The following ELAC1 variants were observed in gnomAD, a reference collection of about 807,000 sequenced individuals.
The protein encoded by ELAC1 is elaC ribonuclease Z 1, also known as zinc phosphodiesterase ELAC protein 1.
In ELAC1, 19 loss-of-function variants were observed where a neutral mutation model predicts 25.8. The observed-to-expected ratio is 0.74, with a 90% CI of 0.51 to 1.08. The LOEUF is 1.08. Ranked by LOEUF, ELAC1 falls within the 50% of genes least tolerant of loss-of-function variation. ELAC1 has a pLI of 0.00. For missense variants in ELAC1, 403 were observed against 434.6 expected (o/e 0.93, Z 0.65); for synonymous variants, 148 against 160.9 (o/e 0.92, Z 0.61).
chr18:50,984,892 A>C (rs1256057277), intron 3 of ELAC1: 1 of 384,134 alleles, frequency 2.6e-6, no homozygotes, highest in Non-Finnish European at 4.6e-6. Context: ...AGATAGTGTT[A>C]CTATACTCCA....
intron 1 of ELAC1, among the ~76,000 whole-genome samples, chr18:50,970,985 C>T (rs1907637389): frequency 6.6e-6 from 1 of 152,114 alleles, no homozygotes; most frequent in South Asian, 2.1e-4. Flanking sequence ...CCCTCCACAA[C>T]AGTAGTTACA....
chr18:50,981,185 TAA>T (rs1026483319), intron 2 of ELAC1, among the ~76,000 whole-genome samples: 7 of 151,994 alleles, frequency 4.6e-5, no homozygotes, highest in Middle Eastern at 6.8e-3. Context: ...AAAAGTATTA[TAA>T]GAGCATGATT....
Position 50,972,772 on chromosome 18 carries a change from C to T in ELAC1, c.-8-1625C>T, listed in dbSNP as rs147230828. On this transcript the variant is annotated intron_variant, in intron 1 of 3. Transcript: ENST00000269466. ...TGCTGGGATAACAGGCATGAGCCAC[C>T]GTGCCCGGCCTATTCTGTTTTAATT... 5.9e-5 allele frequency among the ~76,000 whole-genome samples: 9 copies of T among 152,300 alleles called. No individual in the cohort carries two copies. The East Asian group carries it at 9.7e-4, about 16-fold the overall frequency.
chr18:50,983,949 A>C (rs1908028977), intron 2 of ELAC1, 147 bp from the exon 3 acceptor site: 3 of 516,600 alleles, frequency 5.8e-6, no homozygotes, highest in East Asian at 6.5e-5. Context: ...AGCAAAATGT[A>C]AATGAATAAG....
At chr18:50,983,119 T>C (rs1009456285) in intron 2 of ELAC1, among the ~76,000 whole-genome samples, 1 of 150,170 alleles carries the variant, frequency 6.7e-6, no homozygotes, top group South Asian at 2.1e-4. Context: ...AATAGTTAAG[T>C]GAATTATTTT....
chr18:50,982,246 T>TAA (rs1435643958), intron 2 of ELAC1, among the ~76,000 whole-genome samples: 1 of 152,012 alleles, frequency 6.6e-6, no homozygotes, highest in Non-Finnish European at 1.5e-5. Context: ...ATTCAGGCAG[T>TAA]AAAAAAACAG....
At chr18:50,972,883 A>T (rs1907702544) in intron 1 of ELAC1, among the ~76,000 whole-genome samples, 1 of 152,180 alleles carries the variant, frequency 6.6e-6, no homozygotes, top group Non-Finnish European at 1.5e-5. Flanking sequence ...CCCTTCTCAG[A>T]CATTTATTTT....
chr18:50,980,344 A>C (rs1467307243), intron 2 of ELAC1, among the ~76,000 whole-genome samples: 1 of 152,078 alleles, frequency 6.6e-6, no homozygotes, highest in South Asian at 2.1e-4. Flanking sequence ...GCATGCATTC[A>C]TACATACAAT....
chr18:50,971,778 G>A (rs1907659360), intron 1 of ELAC1, among the ~76,000 whole-genome samples: 1 of 150,948 alleles, frequency 6.6e-6, no homozygotes, highest in Admixed American at 6.6e-5. Context: ...TTTTTAAATA[G>A]ATACACGATA....
At chr18:50,977,574 A>G (rs930272203) in intron 2 of ELAC1, among the ~76,000 whole-genome samples, 2 of 152,132 alleles carry the variant, frequency 1.3e-5, no homozygotes, top group Non-Finnish European at 2.9e-5. Flanking sequence ...TTTCCCTCCT[A>G]GGCCTCTGGG....
At chr18:50,978,278 T>G (rs1484340946) in intron 2 of ELAC1, among the ~76,000 whole-genome samples, 1 of 152,146 alleles carries the variant, frequency 6.6e-6, no homozygotes, top group Non-Finnish European at 1.5e-5. Flanking sequence ...AGTACCAATT[T>G]ACTGTATCAG....
chr18:50,986,487 C>A, intron 3 of ELAC1, 132 bp from the exon 4 acceptor site: 1 of 723,762 alleles, frequency 1.4e-6, no homozygotes, highest in South Asian at 2.1e-5. Context: ...TCCAGTTTTC[C>A]ACAAGTAGTA....
At chr18:50,978,127 A>G (rs1907843364) in intron 2 of ELAC1, among the ~76,000 whole-genome samples, 1 of 152,104 alleles carries the variant, frequency 6.6e-6, no homozygotes, top group South Asian at 2.1e-4. Context: ...GAGCCCTCCA[A>G]GTCTCTAGGA....
intron 2 of ELAC1, among the ~76,000 whole-genome samples, chr18:50,975,344 C>A (rs767489844): frequency 6.6e-6 from 1 of 152,036 alleles, no homozygotes; most frequent in Non-Finnish European, 1.5e-5. Flanking sequence ...CAGAGGCTTT[C>A]CCAAATCCTC....
chr18:50,968,211 G>T (rs1477755550), intron 1 of ELAC1, 97 bp downstream of exon 1: 1 of 152,028 alleles, frequency 6.6e-6, no homozygotes, highest in Non-Finnish European at 1.5e-5. Context: ...CCTAAGCCTG[G>T]GGAGCGCCCG....
At position 50,974,461 on chromosome 18, in the gene ELAC1, G is replaced by C; in HGVS notation, c.57G>C (p.Arg19=). ...GTGCAGCATACCCATCTCCAACCCG[G>C]GGTGCCTCTGCTGTGGTCCTTCGGT... ...GTGAAYPSPT[R]GASAVVLRCE... is the part of the protein sequence containing the mutation. Residue 19 remains arginine (R), a synonymous_variant, in exon 2 of 4, where the codon CGG becomes CGC. Transcript: ENST00000269466. 1 of 1,599,046 alleles carries C rather than the reference G, an allele frequency of 6.3e-7. No homozygotes were observed. Among genetic ancestry groups the C allele is most frequent in the Non-Finnish European group, 8.5e-7 (1 of 1,172,762 alleles).
chr18:50,974,722 G>A (rs922787978), intron 2 of ELAC1, among the ~76,000 whole-genome samples, 161 bp downstream of exon 2: 10 of 152,188 alleles, frequency 6.6e-5, no homozygotes, highest in African/African-American at 1.2e-4. Flanking sequence ...ATCTGGCCAC[G>A]TCCACTGAAC....
chr18:50,986,868 G>A lies in ELAC1; in HGVS notation c.875G>A (p.Ser292Asn). 6.2e-7 allele frequency: 1 copy of A among 1,614,116 alleles called. No individual in the cohort carries two copies. Among genetic ancestry groups the A allele is most frequent in the Non-Finnish European group, 8.5e-7 (1 of 1,179,978 alleles). The change falls in exon 4 of 4, where the codon AGC (serine) becomes AAC (asparagine). Residue 292 changes from serine to asparagine, a missense_variant. By Grantham distance (46) the Ser-to-Asn change is conservative. Coordinates refer to ENST00000269466, the MANE Select transcript of ELAC1 (RefSeq NM_018696.3). ...GACAAAGCAAAGGAGCATGGCCACA[G>A]CACACCACAGATGGCAGCAACATTT... ...QMDKAKEHGH[S>N]TPQMAATFAK...
At chr18:50,986,570 G>T (rs774094372) in intron 3 of ELAC1, 49 bp from the exon 4 acceptor site, 1 of 1,430,402 alleles carries the variant, frequency 7.0e-7, no homozygotes, top group Non-Finnish European at 9.5e-7. Flanking sequence ...CTCTTGAAAA[G>T]TCATAAATTC....
Sources: gnomAD v4.1 joint callset for allele counts (sites outside exome capture counted in the v4.1 genomes callset) on GRCh38, gnomAD v4.1.1 for gene constraint, MANE v1.5 for transcripts, NCBI Gene and HGNC (gene_info 2026-07-23, HGNC 2026-07-21) for gene names.